ZNF217: variants seen among roughly 807,000 people sequenced by gnomAD.
ZNF217 encodes zinc finger protein 217.
In ZNF217, 12 loss-of-function variants were observed where a neutral mutation model predicts 73.3. The observed-to-expected ratio is 0.16, with a 90% CI of 0.10 to 0.27. ZNF217 has a LOEUF of 0.27. ZNF217 is among the 10% of genes least tolerant of loss of function. The pLI is 1.00. For synonymous variants in ZNF217, 588 were observed against 516.4 expected (o/e 1.14, Z -1.88); for missense variants, 1,195 against 1,327.8 (o/e 0.90, Z 1.55).
chr20:53,571,804 C>T lies in ZNF217; in HGVS notation c.3087G>A (p.Lys1029=), dbSNP rs774792086. Residue 1029 remains lysine (K), a synonymous_variant, in exon 5 of 6, where the codon AAG becomes AAA. Transcript: ENST00000371471. ...YQHLSNSMAQ[K]RNYENFIGNA... is the part of the protein sequence containing the mutation. ...TCCCAATAAAATTCTCATAGTTTCT[C>T]TTTTGTGCCATGCTGTTAGATAAGT... The T allele has an allele frequency of 1.6e-5, 25 of 1,612,528 alleles. No homozygotes were observed. The highest frequency in any genetic ancestry group is 2.0e-5 in the Non-Finnish European group (24 of 1,179,474).
intron 3 of ZNF217, 131 bp from the exon 4 acceptor site, chr20:53,577,411 T>A: frequency 1.2e-6 from 1 of 801,986 alleles, no homozygotes; most frequent in Non-Finnish European, 1.9e-6. Flanking sequence ...ATAGGATTTC[T>A]CATCAGTTCT....
In ZNF217 at chr20:53,583,036, T is replaced by G. The variant is rs149083919; in HGVS notation, c.-210A>C. The G allele has an allele frequency of 1.5e-4, 76 of 520,276 alleles. No homozygotes were observed. The highest frequency in any genetic ancestry group is 1.4e-3 in the African/African-American group (72 of 51,972). 32.2% of individuals were successfully genotyped at this position (520,276 alleles called of 1,614,324 possible). On this transcript the variant is annotated 5_prime_UTR_variant, in exon 2 of 6. An upstream start codon of the reference 5' UTR is lost. Coordinates refer to ENST00000371471, the MANE Select transcript of ZNF217 (RefSeq NM_006526.3). The stretch of plus-strand genomic sequence containing the variant: ...ACTGGTTCTTTCCACAAACAAGGCA[T>G]ACAGGGTTCCCAATGCCTCGATTCA...
At position 53,576,133 on chromosome 20, in the gene ZNF217, G is replaced by T. The variant is rs756061380; in HGVS notation, c.2631C>A (p.Asn877Lys). 3.1e-6 allele frequency: 5 copies of T among 1,614,108 alleles called. No homozygotes were observed. The highest frequency in any genetic ancestry group is 4.2e-6 in the Non-Finnish European group (5 of 1,180,050). The change falls in exon 4 of 6, where the codon AAC (asparagine) becomes AAA (lysine). Residue 877 changes from asparagine to lysine, a missense_variant. Around this residue, in one of 9 missense-constraint regions of ZNF217, gnomAD observed 649 missense variants for 642.8 expected, o/e 1.01. Coordinates refer to ENST00000371471, the MANE Select transcript of ZNF217 (RefSeq NM_006526.3). ...APSQPTLGSS[N>K]INGSIDYPAK... ...CGGGGTAGTCGATGGAACCATTGATGTTACTGCTGCCGAGGGTGGGCTGAG... is the reference window on the plus strand; with the variant it reads ...CGGGGTAGTCGATGGAACCATTGATTTTACTGCTGCCGAGGGTGGGCTGAG...
rs1390402656 is a variant in ZNF217, at chr20:53,567,205, G to C, written c.*2083C>G. 1 of 152,136 alleles carries C rather than the reference G, an allele frequency of 6.6e-6. No homozygotes were observed. Among genetic ancestry groups the C allele is most frequent in the Non-Finnish European group, 1.5e-5 (1 of 67,946 alleles). 9.4% of individuals were successfully genotyped at this position (152,136 alleles called of 1,614,324 possible). A position where few individuals can be genotyped will look rare whatever the true frequency, so the allele number is the denominator to read the frequency against. ...TCAACAATTAAAATAAATCAAACTG[G>C]AATGAAATAAATACATAAACAAAAA... On this transcript the variant is annotated 3_prime_UTR_variant, in exon 6 of 6. Coordinates refer to ENST00000371471, the MANE Select transcript of ZNF217 (RefSeq NM_006526.3).
intron 1 of ZNF217, among the ~76,000 whole-genome samples, chr20:53,584,117 A>C (rs1177963667): frequency 6.6e-6 from 1 of 152,208 alleles, no homozygotes; most frequent in East Asian, 1.9e-4. Context: ...TTTAGAAGCT[A>C]ATTTTCACTC....
upstream of ZNF217, among the ~76,000 whole-genome samples, chr20:53,596,317 G>A (rs1187191394): frequency 2.6e-5 from 4 of 152,044 alleles, no homozygotes; most frequent in African/African-American, 4.8e-5. Flanking sequence ...TGATCTGTCT[G>A]CTAAGAGTTT....
chr20:53,594,774 C>A (rs1989010755), upstream of ZNF217, among the ~76,000 whole-genome samples: 1 of 152,166 alleles, frequency 6.6e-6, no homozygotes, highest in Non-Finnish European at 1.5e-5. Flanking sequence ...GAATTACAAA[C>A]AAAAACCTTA....
chr20:53,582,884 C>T lies in ZNF217; in HGVS notation c.-58G>A, dbSNP rs1600725233. 2.5e-5 allele frequency: 38 copies of T among 1,525,820 alleles called. No individual in the cohort carries two copies. Among genetic ancestry groups the T allele is most frequent in the Non-Finnish European group, 3.3e-5 (37 of 1,133,204 alleles). 94.5% of individuals were successfully genotyped at this position (1,525,820 alleles called of 1,614,324 possible). On this transcript the variant is annotated 5_prime_UTR_variant, in exon 2 of 6. Transcript: ENST00000371471. This position sits in a 1 kb window ranked among gnomAD's most constrained non-coding sequence, Gnocchi z 4.8. ...AGTTGGAATAAGGCCACTTGTAAGA[C>T]TTGTCACTCACCCCTCTAACAGCCC...
chr20:53,584,461 C>A (rs1988618177), intron 1 of ZNF217, among the ~76,000 whole-genome samples: 1 of 152,188 alleles, frequency 6.6e-6, no homozygotes. Flanking sequence ...TAACATTAAG[C>A]TTTTCTAAAT....
chr20:53,584,505 G>T (rs1300339929), intron 1 of ZNF217, among the ~76,000 whole-genome samples: 1 of 152,216 alleles, frequency 6.6e-6, no homozygotes, highest in Admixed American at 6.5e-5. Context: ...GTAAAGGAAA[G>T]AATGTCCTGA....
At position 53,578,347 on chromosome 20, in the gene ZNF217, G is replaced by A; in HGVS notation, c.1470C>T (p.Leu490=). The change falls in exon 3 of 6, where the codon CTC becomes CTT. Residue 490 remains leucine (L), a synonymous_variant. Transcript: ENST00000371471. The part of the protein sequence containing the change: ...FRSNYYLNIH[L]RTHTGEKPYK... Reference sequence around the variant, plus strand: ...AAAGTTCTTTACCTGTATGCGTTCTGAGATGAATATTGAGGTAATAATTTG... The same window carrying A: ...AAAGTTCTTTACCTGTATGCGTTCTAAGATGAATATTGAGGTAATAATTTG... The A allele has an allele frequency of 6.3e-7, 1 of 1,588,930 alleles. No homozygotes were observed. Among genetic ancestry groups the A allele is most frequent in the South Asian group, 1.2e-5 (1 of 85,322 alleles).
At chr20:53,571,911 A>G (rs776453911) in intron 4 of ZNF217, 58 bp from the exon 5 acceptor site, 4 of 1,521,624 alleles carry the variant, frequency 2.6e-6, no homozygotes, top group Middle Eastern at 3.7e-4. Context: ...TAAGATGTGT[A>G]TAGGTTTTTA....
At position 53,582,928 on chromosome 20, in the gene ZNF217, G is replaced by T; in HGVS notation, c.-102C>A. 1.6e-6 allele frequency: 2 copies of T among 1,247,460 alleles called. No individual in the cohort carries two copies. Among genetic ancestry groups the T allele is most frequent in the Non-Finnish European group, 1.1e-6 (1 of 895,456 alleles). 77.3% of individuals were successfully genotyped at this position (1,247,460 alleles called of 1,614,324 possible). A position where few individuals can be genotyped will look rare whatever the true frequency, so the allele number is the denominator to read the frequency against. On this transcript the variant is annotated 5_prime_UTR_variant, in exon 2 of 6. Coordinates refer to ENST00000371471, the MANE Select transcript of ZNF217 (RefSeq NM_006526.3). This position sits in a 1 kb window ranked among gnomAD's most constrained non-coding sequence, Gnocchi z 4.8. ...ACAGCCCTGGGTTCCAAAAACCAGA[G>T]CAAATATTTATTATAAAAGTTCAAA...
chr20:53,577,824 G>A (rs1357075697), intron 3 of ZNF217, among the ~76,000 whole-genome samples: 5 of 152,196 alleles, frequency 3.3e-5, no homozygotes, highest in African/African-American at 7.2e-5. Flanking sequence ...GTCCGGGCGC[G>A]GTGGCTCACG....
In ZNF217 at chr20:53,582,398, A is replaced by G. The variant is rs1988543819; in HGVS notation, c.429T>C (p.Val143=). The G allele has an allele frequency of 1.9e-6, 3 of 1,614,078 alleles. No individual in the cohort carries two copies. The highest frequency in any genetic ancestry group is 1.3e-5 in the African/African-American group (1 of 74,922). Residue 143 remains valine, a synonymous_variant, in exon 2 of 6, where the codon GTT becomes GTC. Coordinates refer to ENST00000371471, the MANE Select transcript of ZNF217 (RefSeq NM_006526.3). The surrounding 1 kb of genome is among the most constrained non-coding windows in gnomAD (Gnocchi z 4.8). Reference sequence around the variant, plus strand: ...CTTTGTGTGTTCTCATGTGGATCTCAACATCAAAAGCGACTCTAAATGTCT... The same window carrying G: ...CTTTGTGTGTTCTCATGTGGATCTCGACATCAAAAGCGACTCTAAATGTCT... The part of the protein sequence containing the change: ...CGQTFRVAFD[V]EIHMRTHKDS...
chr20:53,583,713 G>A (rs1257141025), intron 1 of ZNF217, among the ~76,000 whole-genome samples: 1 of 152,208 alleles, frequency 6.6e-6, no homozygotes, highest in Non-Finnish European at 1.5e-5. Context: ...AACAAAATGA[G>A]CACAGAAATA....
chr20:53,573,380 T>C (rs1420843871), intron 4 of ZNF217, among the ~76,000 whole-genome samples: 7 of 152,188 alleles, frequency 4.6e-5, no homozygotes, highest in African/African-American at 1.2e-4. Flanking sequence ...CCACCGCAAC[T>C]GGCCTTGTAG....
chr20:53,581,785 T>C lies in ZNF217; in HGVS notation c.1042A>G (p.Lys348Glu). 1 of 1,614,230 alleles carries C rather than the reference T, an allele frequency of 6.2e-7. No homozygotes were observed. The highest frequency in any genetic ancestry group is 8.5e-7 in the Non-Finnish European group (1 of 1,180,020). Residue 348 changes from lysine to glutamate, a missense_variant, in exon 2 of 6, where the codon AAA (lysine) becomes GAA (glutamate). Physicochemically the swap from Lys to Glu is moderately conservative, Grantham distance 56. Around this residue, in one of 9 missense-constraint regions of ZNF217, gnomAD observed 102 missense variants for 91.9 expected, o/e 1.11. Transcript: ENST00000371471. This position sits in a 1 kb window ranked among gnomAD's most constrained non-coding sequence, Gnocchi z 4.9. ...KGSCAGLSQE[K>E]EKCKHSHGEA... ...CCGTGGGAGTGTTTGCACTTCTCTT[T>C]CTCTTGCGAGAGGCCTGCACAACTG... is the stretch of plus-strand genomic sequence containing the variant.
At chr20:53,585,538 CCT>C (rs900595754) in intron 1 of ZNF217, among the ~76,000 whole-genome samples, 1 of 152,114 alleles carries the variant, frequency 6.6e-6, no homozygotes, top group Non-Finnish European at 1.5e-5. Flanking sequence ...GCAAGTCTCC[CCT>C]CTCCGCCCAA....
Sources: allele counts gnomAD v4.1 joint callset (sites outside exome capture counted in the v4.1 genomes callset), GRCh38; gene constraint gnomAD v4.1.1; regional missense constraint gnomAD v4.1.1; non-coding constraint Gnocchi (gnomAD v3.1); transcripts MANE v1.5; gene names NCBI Gene and HGNC (gene_info 2026-07-23, HGNC 2026-07-21).